Variants in ITGBL1 observed in about 807,000 individuals in gnomAD.
The protein encoded by ITGBL1 is integrin subunit beta like 1.
A neutral mutation model predicts 68.5 loss-of-function variants in ITGBL1; 51 were observed. The ratio of observed to expected loss-of-function variants is 0.74; its 90% confidence interval spans 0.59 to 0.94. ITGBL1 has a LOEUF of 0.94. ITGBL1 is among the 40% of genes least tolerant of loss of function. The pLI, the probability that ITGBL1 is intolerant of heterozygous loss-of-function variation, is 0.00. For missense variants in ITGBL1, 649 were observed against 647.4 expected (o/e 1.00, Z -0.03); for synonymous variants, 209 against 227.3 (o/e 0.92, Z 0.72).
intron 6 of ITGBL1, among the ~76,000 whole-genome samples, chr13:101,588,522 A>G (rs1426611670): frequency 6.6e-6 from 1 of 152,170 alleles, no homozygotes; most frequent in Admixed American, 6.6e-5. Context: ...TTGACAAACC[A>G]GCATGGAAGC....
chr13:101,473,718 C>A (rs2048495318), intron 2 of ITGBL1, among the ~76,000 whole-genome samples: 1 of 152,158 alleles, frequency 6.6e-6, no homozygotes, highest in Non-Finnish European at 1.5e-5. Context: ...TGACCCTAGG[C>A]AGTGCAGCTC....
In ITGBL1 at chr13:101,715,659, T is replaced by G. The variant is rs763098928; in HGVS notation, c.*5T>G. On this transcript the variant is annotated 3_prime_UTR_variant, in exon 11 of 11. Transcript: ENST00000376180. Reference sequence around the variant, plus strand: ...CTTGGCTCAGAATATCCTTAACAATTACATGAGAGAGGTCTGGATTCTTAT... The same window carrying G: ...CTTGGCTCAGAATATCCTTAACAATGACATGAGAGAGGTCTGGATTCTTAT... 3.8e-6 allele frequency: 6 copies of G among 1,581,186 alleles called. No homozygotes were observed. The highest frequency in any genetic ancestry group is 4.3e-6 in the Non-Finnish European group (5 of 1,150,206).
chr13:101,618,338 T>C (rs537135544), intron 7 of ITGBL1, among the ~76,000 whole-genome samples: 1 of 152,180 alleles, frequency 6.6e-6, no homozygotes, highest in African/African-American at 2.4e-5. Context: ...TTGGGACATA[T>C]AAAGAGTTGT....
intron 3 of ITGBL1, among the ~76,000 whole-genome samples, chr13:101,573,345 A>C (rs1173077918): frequency 6.6e-6 from 1 of 152,182 alleles, no homozygotes; most frequent in Non-Finnish European, 1.5e-5. Context: ...AGATAGAAAA[A>C]TAAATTCTGC....
intron 2 of ITGBL1, among the ~76,000 whole-genome samples, chr13:101,492,883 C>T (rs1025865914): frequency 6.6e-6 from 1 of 152,172 alleles, no homozygotes; most frequent in Non-Finnish European, 1.5e-5. Context: ...CTGTAATAAT[C>T]CTAAACTTCC....
chr13:101,553,015 G>A (rs1411293513), intron 2 of ITGBL1, among the ~76,000 whole-genome samples: 5 of 152,186 alleles, frequency 3.3e-5, no homozygotes, highest in Non-Finnish European at 7.3e-5. Context: ...AATGTTGTTA[G>A]TAGGAGAGGA....
At chr13:101,541,847 G>A (rs1393909709) in intron 2 of ITGBL1, among the ~76,000 whole-genome samples, 2 of 152,236 alleles carry the variant, frequency 1.3e-5, no homozygotes, top group South Asian at 4.2e-4. Context: ...TTGTGTAGAG[G>A]TGTTTATAGT....
chr13:101,543,900 C>T (rs1291498286), intron 2 of ITGBL1, among the ~76,000 whole-genome samples: 1 of 152,146 alleles, frequency 6.6e-6, no homozygotes, highest in African/African-American at 2.4e-5. Context: ...GTTTTCAGCT[C>T]CATCGGGTCC....
intron 7 of ITGBL1, among the ~76,000 whole-genome samples, chr13:101,627,284 G>A (rs2031818982): frequency 6.6e-6 from 1 of 151,768 alleles, no homozygotes; most frequent in Non-Finnish European, 1.5e-5. Flanking sequence ...AATGCTTTTT[G>A]TAATACACTT....
At chr13:101,466,416 A>G (rs1252603499) in intron 2 of ITGBL1, among the ~76,000 whole-genome samples, 1 of 152,300 alleles carries the variant, frequency 6.6e-6, no homozygotes, top group East Asian at 1.9e-4. Flanking sequence ...GATTCACTTC[A>G]TGAACACACA....
At chr13:101,703,775 GAA>G (rs1238127944) in intron 8 of ITGBL1, among the ~76,000 whole-genome samples, 2 of 152,176 alleles carry the variant, frequency 1.3e-5, no homozygotes, top group Admixed American at 6.5e-5. Context: ...CTTTTGGAAA[GAA>G]AATCATATAT....
chr13:101,696,649 C>T (rs1003418036), intron 8 of ITGBL1, among the ~76,000 whole-genome samples: 9 of 152,078 alleles, frequency 5.9e-5, no homozygotes, highest in Non-Finnish European at 1.0e-4. Context: ...TCCTCTATAC[C>T]GCACCACCTG....
intron 2 of ITGBL1, among the ~76,000 whole-genome samples, chr13:101,481,161 T>TGA (rs568328125): frequency 1.4e-5 from 2 of 145,744 alleles, no homozygotes; most frequent in African/African-American, 2.5e-5. Flanking sequence ...TATATATATA[T>TGA]GAGAGAGAGC....
At chr13:101,711,791 G>A (rs1459763773) in intron 9 of ITGBL1, 1 of 152,228 alleles carries the variant, frequency 6.6e-6, no homozygotes, top group Admixed American at 6.5e-5. Context: ...ATGCACAGAA[G>A]GGAGATGGGA....
chr13:101,505,691 C>T (rs1200500463), intron 2 of ITGBL1, among the ~76,000 whole-genome samples: 1 of 152,180 alleles, frequency 6.6e-6, no homozygotes, highest in African/African-American at 2.4e-5. Flanking sequence ...TTCTACCCTC[C>T]TTGCCAGCCA....
At chr13:101,567,333 T>C (rs1444683588) in intron 2 of ITGBL1, among the ~76,000 whole-genome samples, 2 of 152,166 alleles carry the variant, frequency 1.3e-5, no homozygotes, top group East Asian at 3.9e-4. Context: ...ATGTGTTATG[T>C]AAAATACAGT....
intron 2 of ITGBL1, among the ~76,000 whole-genome samples, chr13:101,461,162 C>T (rs566102412): frequency 1.3e-5 from 2 of 152,204 alleles, no homozygotes; most frequent in South Asian, 2.1e-4. Flanking sequence ...AGGAAAGGAA[C>T]ATATGGAAAC....
chr13:101,531,522 G>T (rs1480775618), intron 2 of ITGBL1, among the ~76,000 whole-genome samples: 2 of 151,358 alleles, frequency 1.3e-5, no homozygotes, highest in East Asian at 3.9e-4. Context: ...GGATTTTGCA[G>T]AATTGGAAGT....
At chr13:101,497,859 A>ATTT (rs35353527) in intron 2 of ITGBL1, among the ~76,000 whole-genome samples, 26 of 147,370 alleles carry the variant, frequency 1.8e-4, no homozygotes, top group African/African-American at 1.5e-4. Flanking sequence ...TAAGCTGATA[A>ATTT]TTTTTTTTTT....
Sources: gnomAD v4.1 joint callset for allele counts (sites outside exome capture counted in the v4.1 genomes callset) on GRCh38, gnomAD v4.1.1 for gene constraint, MANE v1.5 for transcripts, NCBI Gene and HGNC (gene_info 2026-07-23, HGNC 2026-07-21) for gene names.